NXPE2: variants seen among roughly 807,000 people sequenced by gnomAD.
The protein encoded by NXPE2 is NXPE family member 2.
A neutral mutation model predicts 34.4 loss-of-function variants in NXPE2; 34 were observed. The ratio of observed to expected loss-of-function variants is 0.99; its 90% confidence interval spans 0.75 to 1.31. The LOEUF (loss-of-function observed/expected upper bound fraction) is 1.31, where lower values mean the gene tolerates loss of function less well. NXPE2 is among the 40% of genes most tolerant of loss of function. The pLI, the probability that NXPE2 is intolerant of heterozygous loss-of-function variation, is 0.00. For synonymous variants in NXPE2, 235 were observed against 231.3 expected (o/e 1.02, Z -0.15); for missense variants, 649 against 672.5 (o/e 0.97, Z 0.39).
At chr11:114,624,556 T>A in the NXPE2 span, among the ~76,000 whole-genome samples, 1 of 151,616 alleles carries the variant, frequency 6.6e-6, no homozygotes, top group Non-Finnish European at 1.5e-5. Context: ...TAGTGGATAA[T>A]AAGTATTGCC....
At chr11:114,525,298 T>G in the NXPE2 span, among the ~76,000 whole-genome samples, 1 of 152,040 alleles carries the variant, frequency 6.6e-6, no homozygotes, top group East Asian at 1.9e-4. Context: ...TATTTTTTAT[T>G]AGATAGGGAG....
chr11:114,522,019 A>C, the NXPE2 span: 1 of 1,613,896 alleles, frequency 6.2e-7, no homozygotes, highest in East Asian at 2.2e-5. Flanking sequence ...TCACATGATC[A>C]GGTGGGTGGA....
At chr11:114,748,569 T>A in the NXPE2 span, among the ~76,000 whole-genome samples, 8 of 152,196 alleles carry the variant, frequency 5.3e-5, no homozygotes. Context: ...GACCAGTTAC[T>A]TTTTACTGTG....
chr11:114,725,986 TATATATAA>T, the NXPE2 span, among the ~76,000 whole-genome samples: 1,076 of 140,922 alleles, frequency 7.6e-3, 71 homozygotes, highest in Non-Finnish European at 0.011. Context: ...AATATATATA[TATATATAA>T]AAAGAAAAAG....
chr11:114,798,981 C>T, the NXPE2 span, among the ~76,000 whole-genome samples: 20 of 152,164 alleles, frequency 1.3e-4, no homozygotes, highest in East Asian at 3.9e-4. Context: ...GACTCCTTGC[C>T]GCTCTCACTA....
chr11:114,507,669 G>A, the NXPE2 span, among the ~76,000 whole-genome samples: 1 of 151,926 alleles, frequency 6.6e-6, no homozygotes, highest in South Asian at 2.1e-4. Flanking sequence ...AATAAATATG[G>A]AAAAGGCTTT....
the NXPE2 span, among the ~76,000 whole-genome samples, chr11:114,782,970 C>A: frequency 2.6e-5 from 4 of 152,190 alleles, no homozygotes; most frequent in African/African-American, 9.7e-5. Context: ...GGAGATTAAA[C>A]CTTATTTTAT....
At chr11:114,713,801 C>T in the NXPE2 span, among the ~76,000 whole-genome samples, 1 of 152,162 alleles carries the variant, frequency 6.6e-6, no homozygotes, top group South Asian at 2.1e-4. Flanking sequence ...TCTTGCTGCA[C>T]ACATAGCTGC....
At chr11:114,607,843 T>C in the NXPE2 span, among the ~76,000 whole-genome samples, 10 of 151,840 alleles carry the variant, frequency 6.6e-5, no homozygotes, top group Admixed American at 4.6e-4. Flanking sequence ...ATAATAAGTA[T>C]TGCCTTGCAG....
chr11:114,530,781 A>G, the NXPE2 span: 2 of 1,614,010 alleles, frequency 1.2e-6, no homozygotes, highest in African/African-American at 2.7e-5. Flanking sequence ...TTTCTCTATG[A>G]TTTCCTTTAT....
the NXPE2 span, among the ~76,000 whole-genome samples, chr11:114,509,878 A>G: frequency 4.6e-5 from 7 of 152,186 alleles, no homozygotes; most frequent in Non-Finnish European, 1.0e-4. Context: ...CCCATGACAC[A>G]AGCTTACCTA....
chr11:114,635,027 G>T, the NXPE2 span, among the ~76,000 whole-genome samples: 7 of 151,954 alleles, frequency 4.6e-5, no homozygotes, highest in Non-Finnish European at 1.0e-4. Flanking sequence ...TGATGGGGAT[G>T]GCATTGAGTC....
At chr11:114,638,357 C>A in the NXPE2 span, among the ~76,000 whole-genome samples, 5 of 152,020 alleles carry the variant, frequency 3.3e-5, no homozygotes, top group African/African-American at 1.2e-4. Flanking sequence ...TTCTAGTTAT[C>A]CATTCGTCTA....
chr11:114,783,217 T>A, the NXPE2 span, among the ~76,000 whole-genome samples: 1 of 152,222 alleles, frequency 6.6e-6, no homozygotes, highest in Non-Finnish European at 1.5e-5. Flanking sequence ...AGTTCTGTTA[T>A]CCTTTGTGGT....
chr11:114,629,146 G>A, the NXPE2 span, among the ~76,000 whole-genome samples: 1 of 152,100 alleles, frequency 6.6e-6, no homozygotes, highest in Non-Finnish European at 1.5e-5. Flanking sequence ...AATAGAAAAA[G>A]AGGGAACCCT....
chr11:114,728,469 A>T, the NXPE2 span, among the ~76,000 whole-genome samples: 22 of 152,050 alleles, frequency 1.4e-4, 2 homozygotes, highest in Admixed American at 1.3e-3. Context: ...TTGTTTGCTT[A>T]ATTTTTTATG....
chr11:114,786,053 CT>C, the NXPE2 span, among the ~76,000 whole-genome samples: 1 of 152,156 alleles, frequency 6.6e-6, no homozygotes, highest in Admixed American at 6.5e-5. Flanking sequence ...GGTGGGCCTG[CT>C]TGTGAATGTA....
chr11:114,587,951 C>T, the NXPE2 span, among the ~76,000 whole-genome samples: 1 of 152,124 alleles, frequency 6.6e-6, no homozygotes, highest in Non-Finnish European at 1.5e-5. Flanking sequence ...TACTATCCAA[C>T]AATTAGATAT....
At chr11:114,632,083 T>A in the NXPE2 span, among the ~76,000 whole-genome samples, 1 of 145,094 alleles carries the variant, frequency 6.9e-6, no homozygotes, top group African/African-American at 2.5e-5. Flanking sequence ...TATAATATTA[T>A]TATATTGTAA....
Sources: allele counts gnomAD v4.1 joint callset (sites outside exome capture counted in the v4.1 genomes callset), GRCh38; gene constraint gnomAD v4.1.1; transcripts MANE v1.5; gene names NCBI Gene and HGNC (gene_info 2026-07-23, HGNC 2026-07-21).